Variants in PHF2 observed in about 807,000 individuals in gnomAD.
PHF2 encodes lysine-specific demethylase PHF2.
PHF2 carries 27 observed loss-of-function variants against 120.5 expected under a neutral mutation model. That is an observed-to-expected ratio of 0.22 (90% CI 0.17 to 0.31). PHF2 has a LOEUF of 0.31. PHF2 is among the 10% of genes least tolerant of loss of function. The probability of loss-of-function intolerance (pLI) is 1.00; values close to 1 mark genes in which losing one functional copy is unlikely to be tolerated. For missense variants in PHF2, 1,024 were observed against 1,434.8 expected (o/e 0.71, Z 4.63); for synonymous variants, 568 against 592.5 (o/e 0.96, Z 0.60).
chr9:93,649,374 CTTTTTTTT>C (rs752368762), intron 5 of PHF2, among the ~76,000 whole-genome samples, 162 bp downstream of exon 5: 11 of 105,832 alleles, frequency 1.0e-4, no homozygotes, highest in African/African-American at 1.9e-4. Context: ...AAATTTTTTC[CTTTTTTTT>C]TTTTTTTTTT....
chr9:93,578,799 A>C (rs1400679661), intron 1 of PHF2, among the ~76,000 whole-genome samples: 5 of 152,148 alleles, frequency 3.3e-5, no homozygotes, highest in African/African-American at 1.2e-4. Flanking sequence ...AAAAATCCCC[A>C]AAAGGGGGAT....
At chr9:93,658,892 G>T (rs1216065851) in intron 10 of PHF2, among the ~76,000 whole-genome samples, 1 of 152,166 alleles carries the variant, frequency 6.6e-6, no homozygotes, top group African/African-American at 2.4e-5. Context: ...CTTGGTTTTG[G>T]CTACAGAAGG....
intron 1 of PHF2, among the ~76,000 whole-genome samples, chr9:93,618,835 G>GTGTCTGTGGGGTGTATGTGTCTGC (rs1554793824): frequency 1.4e-5 from 2 of 138,072 alleles, no homozygotes; most frequent in African/African-American, 2.7e-5. Flanking sequence ...TGATGTGTGT[G>GTGTCTGTGGGGTGTATGTGTCTGC]GTGTGTGTGT....
At chr9:93,662,699 G>T (rs547089442) in intron 12 of PHF2, among the ~76,000 whole-genome samples, 1 of 151,348 alleles carries the variant, frequency 6.6e-6, no homozygotes, top group Non-Finnish European at 1.5e-5. Context: ...CGGATGGATG[G>T]ATGAACGAAT....
At chr9:93,616,724 C>T (rs1405310444) in intron 1 of PHF2, among the ~76,000 whole-genome samples, 1 of 151,622 alleles carries the variant, frequency 6.6e-6, no homozygotes, top group African/African-American at 2.4e-5. Flanking sequence ...GGCTCAATCT[C>T]GGCTCACCGC....
chr9:93,609,610 CA>C (rs1255221809), intron 1 of PHF2, among the ~76,000 whole-genome samples: 16 of 151,928 alleles, frequency 1.1e-4, no homozygotes, highest in African/African-American at 3.6e-4. Flanking sequence ...TTCTTGCTTG[CA>C]TGACTTCTGA....
intron 1 of PHF2, among the ~76,000 whole-genome samples, chr9:93,613,455 A>G (rs983474751): frequency 6.6e-6 from 1 of 152,034 alleles, no homozygotes; most frequent in African/African-American, 2.4e-5. Flanking sequence ...CAAGGGCCCT[A>G]AAACAGGCTC....
chr9:93,637,521 G>T (rs1564390289), intron 3 of PHF2, among the ~76,000 whole-genome samples: 1 of 152,100 alleles, frequency 6.6e-6, no homozygotes. Context: ...TGTTTCTGTA[G>T]ATTTGCTTCA....
intron 1 of PHF2, among the ~76,000 whole-genome samples, chr9:93,617,082 TTGGCATGGTCTGGAGGG>T (rs1444478950): frequency 2.0e-5 from 3 of 152,218 alleles, no homozygotes; most frequent in Non-Finnish European, 4.4e-5. Context: ...CATTCCAGGC[TTGGCATGGTCTGGAGGG>T]TGGCATGGTC....
chr9:93,622,857 G>A (rs1335841622), intron 1 of PHF2, among the ~76,000 whole-genome samples: 1 of 152,180 alleles, frequency 6.6e-6, no homozygotes, highest in Non-Finnish European at 1.5e-5. Flanking sequence ...CTGTCTGTCT[G>A]TTCTACTCTG....
chr9:93,665,066 T>C (rs1460821101), intron 14 of PHF2, among the ~76,000 whole-genome samples: 3 of 152,230 alleles, frequency 2.0e-5, no homozygotes, highest in Admixed American at 6.5e-5. Context: ...CTGGAGCTGC[T>C]TGCAGGCCAA....
intron 2 of PHF2, among the ~76,000 whole-genome samples, chr9:93,630,443 G>T (rs1404850541): frequency 2.0e-5 from 3 of 152,208 alleles, no homozygotes; most frequent in Non-Finnish European, 4.4e-5. Flanking sequence ...CTACACGGGG[G>T]GCCCAGCCTG....
chr9:93,658,252 C>T lies in PHF2; in HGVS notation c.1239+16C>T. 1.9e-6 allele frequency: 3 copies of T among 1,597,264 alleles called. No homozygotes were observed. Among genetic ancestry groups the T allele is most frequent in the African/African-American group, 1.3e-5 (1 of 74,750 alleles). On this transcript the variant is annotated intron_variant, in intron 10 of 21. Coordinates refer to ENST00000359246, the MANE Select transcript of PHF2 (RefSeq NM_005392.4). ...GAAGAAGCAGGTAGGAATCATGTCA[C>T]AAATGCCCTAGGGCAGGAGAGCAGT...
intron 1 of PHF2, among the ~76,000 whole-genome samples, chr9:93,617,217 C>T (rs1443785774): frequency 6.6e-6 from 1 of 152,176 alleles, no homozygotes; most frequent in Admixed American, 6.5e-5. Context: ...CCACTCAAGT[C>T]CTCATAGGAG....
intron 1 of PHF2, among the ~76,000 whole-genome samples, chr9:93,584,719 T>A (rs1166272389): frequency 6.6e-6 from 1 of 152,248 alleles, no homozygotes; most frequent in Non-Finnish European, 1.5e-5. Context: ...TTTTGGCTAT[T>A]TTGGGCTCCT....
chr9:93,648,968 G>T, intron 4 of PHF2, 103 bp from the exon 5 acceptor site: 2 of 1,322,562 alleles, frequency 1.5e-6, no homozygotes, highest in Non-Finnish European at 2.1e-6. Context: ...CTCCTGCTGT[G>T]TGTGAGGGCA....
At chr9:93,671,178 G>A in intron 17 of PHF2, 1 of 981,846 alleles carries the variant, frequency 1.0e-6, no homozygotes, top group Non-Finnish European at 1.2e-6. Flanking sequence ...GTAGGTACAG[G>A]TGTAGATGCA....
intron 1 of PHF2, among the ~76,000 whole-genome samples, chr9:93,627,428 T>C (rs577271745): frequency 2.0e-5 from 3 of 151,654 alleles, no homozygotes; most frequent in African/African-American, 7.3e-5. Context: ...TGTAGGATTA[T>C]GTCATATGCA....
chr9:93,619,778 G>C (rs1361203996), intron 1 of PHF2, among the ~76,000 whole-genome samples: 2 of 152,340 alleles, frequency 1.3e-5, no homozygotes, highest in African/African-American at 2.4e-5. Flanking sequence ...AGAAACTCAG[G>C]GGGTGCTGCT....
Sources: allele counts gnomAD v4.1 joint callset (sites outside exome capture counted in the v4.1 genomes callset), GRCh38; gene constraint gnomAD v4.1.1; transcripts MANE v1.5; gene names NCBI Gene and HGNC (gene_info 2026-07-23, HGNC 2026-07-21).